HR: variants seen among roughly 807,000 people sequenced by gnomAD.
HR encodes the protein HR lysine demethylase and nuclear receptor corepressor, also known as lysine-specific demethylase hairless.
A neutral mutation model predicts 128.6 loss-of-function variants in HR; 83 were observed. That is an observed-to-expected ratio of 0.65 (90% confidence interval 0.54 to 0.77). The LOEUF (loss-of-function observed/expected upper bound fraction) is 0.77, where lower values mean the gene tolerates loss of function less well. HR is among the 30% of genes least tolerant of loss of function. HR has a pLI of 0.00. For missense variants in HR, 1,490 were observed against 1,574.6 expected (o/e 0.95, Z 0.91); for synonymous variants, 681 against 658.2 (o/e 1.03, Z -0.53).
Position 22,127,125 on chromosome 8 carries a change from T to A in HR, c.1317A>T (p.Ala439=). ...CCTGCCAACCCCCAGCCCCCTGTTC[T>A]GCAGTGCCTGGAAAAGGGTCCGGTG... ...KRPPDPFPGT[A]EQGAGGWQEV... The change falls in exon 3 of 19, where the codon GCA becomes GCT. Residue 439 remains alanine, a synonymous_variant. Coordinates refer to ENST00000381418, the MANE Select transcript of HR (RefSeq NM_005144.5). 2 of 1,611,926 alleles carry A rather than the reference T, an allele frequency of 1.2e-6. No homozygotes were observed. Among genetic ancestry groups the A allele is most frequent in the Non-Finnish European group, 8.5e-7 (1 of 1,179,274 alleles).
Position 22,128,712 on chromosome 8 carries a change from C to G in HR, c.459G>C (p.Glu153Asp), listed in dbSNP as rs746042936. 1.3e-6 allele frequency: 2 copies of G among 1,584,240 alleles called. No individual in the cohort carries two copies. The highest frequency in any genetic ancestry group is 3.7e-5 in the Admixed American group (2 of 54,038). ...CPFLLETKIL[E>D]RAPFWVPTCL... is the part of the protein sequence containing the mutation. ...AGGTGGGCACCCAGAAGGGAGCTCG[C>G]TCCAGGATCTTGGTCTCCAGAAGGA... Residue 153 changes from glutamate to aspartate, a missense_variant, in exon 2 of 19, where the codon GAG becomes GAC. Around this residue, in one of 3 missense-constraint regions of HR, gnomAD observed 1,060 missense variants for 1,060.9 expected, o/e 1.00. Coordinates refer to ENST00000381418, the MANE Select transcript of HR (RefSeq NM_005144.5).
intron 3 of HR, among the ~76,000 whole-genome samples, chr8:22,126,539 G>C (rs1214946754): frequency 6.6e-6 from 1 of 152,252 alleles, no homozygotes; most frequent in African/African-American, 2.4e-5. Flanking sequence ...ACAGGGATTT[G>C]TGGCACACGC....
In HR at chr8:22,130,966, G is replaced by A. The variant is rs1000104685; in HGVS notation, c.-579C>T. ...CGGCTAATGGAGGTAGAGCGCGGCG[G>A]AGAGCGCAGCAGGACCTCTGATCGC... On this transcript the variant is annotated 5_prime_UTR_variant, in exon 1 of 19. Transcript: ENST00000381418. The A allele has an allele frequency of 1.3e-5, 2 of 152,368 alleles. No individual in the cohort carries two copies. Among genetic ancestry groups the A allele is most frequent in the Non-Finnish European group, 1.5e-5 (1 of 68,132 alleles). The allele number at this position is 152,368 out of a possible 1,614,324, so 9.4% of individuals were successfully genotyped here. A position where few individuals can be genotyped will look rare whatever the true frequency, so the allele number is the denominator to read the frequency against.
At position 22,127,019 on chromosome 8, in the gene HR, C is replaced by G. The variant is rs1826908831; in HGVS notation, c.1405+18G>C. 1.9e-6 allele frequency: 3 copies of G among 1,608,056 alleles called. No individual in the cohort carries two copies. Among genetic ancestry groups the G allele is most frequent in the Non-Finnish European group, 2.5e-6 (3 of 1,177,826 alleles). On this transcript the variant is annotated intron_variant, in intron 3 of 18. Transcript: ENST00000381418. Reference sequence around the variant, plus strand: ...CCCCCTCCCACGCAGGGCCTGCAGCCCCTCCTGGCCCCCTTACCTTTCTGC... The same window carrying G: ...CCCCCTCCCACGCAGGGCCTGCAGCGCCTCCTGGCCCCCTTACCTTTCTGC...
chr8:22,117,122 C>G, intron 16 of HR, 83 bp from the exon 17 acceptor site: 6 of 1,347,314 alleles, frequency 4.5e-6, no homozygotes, highest in Non-Finnish European at 5.9e-6. Flanking sequence ...TTTCCAGAGG[C>G]CAGGGGTGGA....
In HR at chr8:22,115,662, A is replaced by G; in HGVS notation, c.*38T>C. On this transcript the variant is annotated 3_prime_UTR_variant, in exon 19 of 19. Coordinates refer to ENST00000381418, the MANE Select transcript of HR (RefSeq NM_005144.5). ...TGTGCCTGGGCTGAGCACCTGGTCT[A>G]CCTGTCCCCACCCCGATCCCAGACA... 1.3e-6 allele frequency: 2 copies of G among 1,590,116 alleles called. No individual in the cohort carries two copies. Among genetic ancestry groups the G allele is most frequent in the Non-Finnish European group, 1.7e-6 (2 of 1,158,446 alleles).
chr8:22,115,689 C>G lies in HR; in HGVS notation c.*11G>C. On this transcript the variant is annotated 3_prime_UTR_variant, in exon 19 of 19. Transcript: ENST00000381418. ...CTGTCCCCACCCCGATCCCAGACAC[C>G]TAGCATCCCTCTATTTGGCCTCCTG... 1 of 1,613,510 alleles carries G rather than the reference C, an allele frequency of 6.2e-7. No individual in the cohort carries two copies. Among genetic ancestry groups the G allele is most frequent in the Non-Finnish European group, 8.5e-7 (1 of 1,179,566 alleles).
chr8:22,115,339 A>T lies in HR; in HGVS notation c.*361T>A. On this transcript the variant is annotated 3_prime_UTR_variant, in exon 19 of 19. Coordinates refer to ENST00000381418, the MANE Select transcript of HR (RefSeq NM_005144.5). ...CTCAGCGGGAGTGAGCAGCAGGAGG[A>T]GGTGTTGTTTAAGCCAGAATGATTC... is the stretch of plus-strand genomic sequence containing the variant. 1 of 408,860 alleles carries T rather than the reference A, an allele frequency of 2.4e-6. No homozygotes were observed. The allele number at this position is 408,860 out of a possible 1,614,324, so 25.3% of individuals were successfully genotyped here.
chr8:22,124,554 T>C (rs1300364889), intron 5 of HR, among the ~76,000 whole-genome samples: 2 of 152,156 alleles, frequency 1.3e-5, no homozygotes, highest in Admixed American at 1.3e-4. Context: ...ACATTCCAGG[T>C]AGGGAGATGG....
intron 11 of HR, 51 bp from the exon 12 acceptor site, chr8:22,120,558 C>A (rs774827634): frequency 6.2e-7 from 1 of 1,609,292 alleles, no homozygotes; most frequent in African/African-American, 1.3e-5. Flanking sequence ...GGGTGCCCGC[C>A]ATGGCCAGGC....
At chr8:22,128,161 G>A in intron 2 of HR, 1 of 514,122 alleles carries the variant, frequency 1.9e-6, no homozygotes, top group Non-Finnish European at 3.5e-6. Context: ...CTCATCCCTG[G>A]GAGTGGGAGT....
chr8:22,122,145 G>T (rs1303347808), intron 8 of HR, among the ~76,000 whole-genome samples: 170 of 152,150 alleles, frequency 1.1e-3, no homozygotes, highest in Non-Finnish European at 3.2e-4. Flanking sequence ...TTAGGTGCCG[G>T]GATACTGAGA....
intron 8 of HR, 63 bp from the exon 9 acceptor site, chr8:22,121,757 C>T: frequency 6.7e-7 from 1 of 1,484,610 alleles, no homozygotes; most frequent in Non-Finnish European, 9.4e-7. Flanking sequence ...AGACACAATT[C>T]AACAGAACCC....
In HR at chr8:22,120,810, A is replaced by G; in HGVS notation, c.2516T>C (p.Leu839Pro). The stretch of plus-strand genomic sequence containing the variant: ...CCACAGCAAAGCCCCTGGGGGAGGC[A>G]GCCGGGGCCGCACTGGAGAGAGGGG... ...GLPLSPVRPR[L>P]PPPGALLWLQ... The change falls in exon 11 of 19, where the codon CTG (leucine) becomes CCG (proline). Residue 839 changes from leucine (L) to proline (P), a missense_variant. Leu to Pro is a moderately conservative substitution (Grantham distance 98). Around this residue, in one of 3 missense-constraint regions of HR, gnomAD observed 423 missense variants for 495.9 expected, o/e 0.85. Transcript: ENST00000381418. The G allele has an allele frequency of 6.5e-7, 1 of 1,546,276 alleles. No homozygotes were observed. The highest frequency in any genetic ancestry group is 8.7e-7 in the Non-Finnish European group (1 of 1,143,750).
chr8:22,124,298 C>T (rs933302498), intron 5 of HR, among the ~76,000 whole-genome samples: 1 of 152,202 alleles, frequency 6.6e-6, no homozygotes, highest in Non-Finnish European at 1.5e-5. Flanking sequence ...GGTGTGATTA[C>T]AGCTCACTGC....
At chr8:22,115,823 C>A in intron 18 of HR, 61 bp from the exon 19 acceptor site, 1 of 1,515,524 alleles carries the variant, frequency 6.6e-7, no homozygotes, top group Non-Finnish European at 9.1e-7. Context: ...CCCGCTGTCC[C>A]CCACCCTACT....
Position 22,116,381 on chromosome 8 carries a change from G to T in HR, c.3426C>A (p.Ser1142=), listed in dbSNP as rs374306253. ...GAGCAGAGAGGGCAGAGGTCTCAGG[G>T]GAGAGGAAGTGCTGAGTGACGCTGA... ...STVSVTQHFL[S]PETSALSAQL... Residue 1142 remains serine (S), a synonymous_variant, in exon 18 of 19, where the codon TCC becomes TCA. Transcript: ENST00000381418. This position sits in a 1 kb window ranked among gnomAD's most constrained non-coding sequence, Gnocchi z 4.2. The T allele has an allele frequency of 6.2e-7, 1 of 1,613,686 alleles. No homozygotes were observed.
At chr8:22,117,446 G>C (rs1241072185) in intron 16 of HR, 1 of 191,150 alleles carries the variant, frequency 5.2e-6, no homozygotes, top group Admixed American at 5.4e-5. Flanking sequence ...TGAAGTCTTT[G>C]GAATGGCCAG....
chr8:22,119,154 G>T lies in HR; in HGVS notation c.3097+10C>A, dbSNP rs373519126. On this transcript the variant is annotated intron_variant, in intron 15 of 18. Coordinates refer to ENST00000381418, the MANE Select transcript of HR (RefSeq NM_005144.5). Reference sequence around the variant, plus strand: ...CTTGTCCCCGCTCCTGCCTCTGGCCGAGGACCTACCTTTCTGTGCCCGGTG... The same window carrying T: ...CTTGTCCCCGCTCCTGCCTCTGGCCTAGGACCTACCTTTCTGTGCCCGGTG... 397 of 1,613,758 alleles carry T rather than the reference G, an allele frequency of 2.5e-4. 2 individuals are homozygous for T. The African/African-American group carries it at 4.8e-3, about 19-fold the overall frequency.
Sources: allele counts gnomAD v4.1 joint callset (sites outside exome capture counted in the v4.1 genomes callset), GRCh38; gene constraint gnomAD v4.1.1; regional missense constraint gnomAD v4.1.1; non-coding constraint Gnocchi (gnomAD v3.1); transcripts MANE v1.5; gene names NCBI Gene and HGNC (gene_info 2026-07-23, HGNC 2026-07-21).